GCC2: variants seen among roughly 807,000 people sequenced by gnomAD.
The protein encoded by GCC2 is GRIP and coiled-coil domain containing 2.
In GCC2, 120 loss-of-function variants were observed where a neutral mutation model predicts 210.6. The observed-to-expected ratio is 0.57, with a 90% confidence interval of 0.49 to 0.66. GCC2 has a LOEUF of 0.66. Among genes scored for constraint, GCC2 ranks in the 30% least tolerant of loss-of-function variants. The pLI, the probability that GCC2 is intolerant of heterozygous loss-of-function variation, is 0.00. For synonymous variants in GCC2, 703 were observed against 652.7 expected, an observed-to-expected ratio of 1.08 and a Z score of -1.17; for missense variants, 1,868 against 1,871.9, an observed-to-expected ratio of 1.00 and a Z score of 0.04.
At chr2:108,496,889 T>C in intron 20 of GCC2, 81 bp from the exon 21 acceptor site, 1 of 1,580,832 alleles carries the variant, frequency 6.3e-7, no homozygotes, top group Non-Finnish European at 8.6e-7. Flanking sequence ...GTAAGATATT[T>C]ATATTTAGAT....
intron 21 of GCC2, 62 bp downstream of exon 21, chr2:108,497,171 C>T (rs1249513682): frequency 3.1e-6 from 5 of 1,609,812 alleles, no homozygotes; most frequent in African/African-American, 1.3e-5. Flanking sequence ...ACCCTCCATA[C>T]ACATGCACGA....
chr2:108,493,301 G>A, intron 19 of GCC2: 1 of 579,410 alleles, frequency 1.7e-6, no homozygotes, highest in Non-Finnish European at 2.2e-6. Flanking sequence ...TGTTAGCCAG[G>A]ATAGTCTCGA....
chr2:108,501,103 C>A (rs1458406901), intron 22 of GCC2, among the ~76,000 whole-genome samples: 4 of 151,878 alleles, frequency 2.6e-5, no homozygotes, highest in Non-Finnish European at 4.4e-5. Flanking sequence ...TCAAGCGATT[C>A]TCCTGCCTCA....
At chr2:108,468,575 T>A (rs981574362) in intron 4 of GCC2, among the ~76,000 whole-genome samples, 1 of 152,198 alleles carries the variant, frequency 6.6e-6, no homozygotes, top group African/African-American at 2.4e-5. Context: ...TATTTCTTGC[T>A]TACTCTCTGA....
rs749721042 is a variant in GCC2, at chr2:108,470,105, T to A, written c.776T>A (p.Ile259Asn). 4.3e-6 allele frequency: 7 copies of A among 1,613,386 alleles called. No individual in the cohort carries two copies. Among genetic ancestry groups the A allele is most frequent in the Non-Finnish European group, 5.9e-6 (7 of 1,179,640 alleles). The change falls in exon 6 of 23, where the codon ATT becomes AAT. Residue 259 changes from isoleucine (I) to asparagine (N), a missense_variant. Ile to Asn is a moderately radical substitution (Grantham distance 149). This residue lies in a region of GCC2 where 1,847 missense variants were observed against 1,765.2 expected (regional missense o/e 1.05). Transcript: ENST00000309863. Reference sequence around the variant, plus strand: ...GAGGTGAAAGAGTTGATGTGCCAGATTGAAGCATCAGCTAAGGAACATGAA... The same window carrying A: ...GAGGTGAAAGAGTTGATGTGCCAGAATGAAGCATCAGCTAAGGAACATGAA... ...QEEVKELMCQ[I>N]EASAKEHEAE...
rs915000290 is a variant in GCC2 at position 108,487,796 on chromosome 2, A to T, written c.4028A>T (p.Glu1343Val). The T allele has an allele frequency of 3.7e-6, 6 of 1,613,626 alleles. No homozygotes were observed. The Admixed American group carries it at 6.7e-5, about 18-fold the overall frequency. Residue 1343 changes from glutamate (E) to valine (V), a missense_variant, in exon 17 of 23, where the codon GAA becomes GTA. Glu to Val is a moderately radical substitution (Grantham distance 121). Coordinates refer to ENST00000309863, the MANE Select transcript of GCC2 (RefSeq NM_181453.4). The part of the protein sequence containing the change: ...QQKNKSMSQA[E>V]TEGAKQEREH... ...AAAAATAAATCTATGTCTCAGGCTG[A>T]AACTGAGGGCGCTAAACAAGAAAGG...
At chr2:108,494,091 A>G in intron 19 of GCC2, 4 of 514,814 alleles carry the variant, frequency 7.8e-6, no homozygotes, top group Non-Finnish European at 1.0e-5. Context: ...TTTACAGTTT[A>G]GACCAGGCGT....
intron 12 of GCC2, 79 bp downstream of exon 12, chr2:108,483,245 C>A: frequency 1.3e-6 from 1 of 754,564 alleles, no homozygotes; most frequent in South Asian, 1.6e-5. Flanking sequence ...TCTGTTCTCT[C>A]TGCAATCTCA....
intron 19 of GCC2, chr2:108,493,739 T>C (rs1228627571): frequency 1.0e-6 from 1 of 985,220 alleles, no homozygotes; most frequent in Non-Finnish European, 1.2e-6. Flanking sequence ...GGTCACTTAT[T>C]AGGGTAAAAA....
chr2:108,500,365 T>C (rs1253608018), intron 22 of GCC2, among the ~76,000 whole-genome samples: 1 of 152,002 alleles, frequency 6.6e-6, no homozygotes, highest in African/African-American at 2.4e-5. Context: ...ATACAAAAAT[T>C]AGCTGGACGT....
At chr2:108,497,185 C>A (rs571332300) in intron 21 of GCC2, 76 bp downstream of exon 21, 5 of 1,606,080 alleles carry the variant, frequency 3.1e-6, no homozygotes, top group Non-Finnish European at 4.3e-6. Context: ...TGCACGATCT[C>A]AGCTCACTGC....
intron 3 of GCC2, among the ~76,000 whole-genome samples, chr2:108,451,802 T>G (rs1679958312): frequency 6.6e-6 from 1 of 151,832 alleles, no homozygotes; most frequent in Non-Finnish European, 1.5e-5. Context: ...CATTTGCTAA[T>G]TAAACACTTA....
intron 1 of GCC2, 101 bp from the exon 2 acceptor site, chr2:108,449,532 C>G: frequency 7.5e-7 from 1 of 1,334,994 alleles, no homozygotes; most frequent in Non-Finnish European, 1.1e-6. Flanking sequence ...CTTTCCACCA[C>G]TTGATTCCAT....
chr2:108,469,106 C>T, intron 5 of GCC2, 22 bp downstream of exon 5: 1 of 1,428,432 alleles, frequency 7.0e-7, no homozygotes. Flanking sequence ...TTTTAGTGTT[C>T]TTTTCTTTTT....
At chr2:108,462,491 C>G (rs1237177797) in intron 4 of GCC2, 3 of 125,570 alleles carry the variant, frequency 2.4e-5, no homozygotes, top group Admixed American at 7.5e-5. Context: ...GAGACTCAGT[C>G]TCAAAATAAA....
At chr2:108,450,908 C>T (rs1679908805) in intron 2 of GCC2, 120 bp from the exon 3 acceptor site, 2 of 661,854 alleles carry the variant, frequency 3.0e-6, no homozygotes, top group Admixed American at 2.9e-5. Flanking sequence ...ACAAAGTATG[C>T]GGTTGGCATA....
At position 108,492,756 on chromosome 2, in the gene GCC2, G is replaced by A. The variant is rs1316600646; in HGVS notation, c.4413G>A (p.Gln1471=). ...AGCAGCTCTCCAAGATGGAAGCACA[G>A]CTCTTCCAGCTTAAGAATGAACCGA... ...LQQQLSKMEA[Q]LFQLKNEPTT... The change falls in exon 19 of 23, where the codon CAG becomes CAA. Residue 1471 remains glutamine, a synonymous_variant. Transcript: ENST00000309863. 1 of 1,613,712 alleles carries A rather than the reference G, an allele frequency of 6.2e-7. No individual in the cohort carries two copies. The highest frequency in any genetic ancestry group is 1.7e-5 in the Admixed American group (1 of 60,028).
chr2:108,505,436 T>C (rs1683135147), intron 22 of GCC2, among the ~76,000 whole-genome samples: 2 of 152,194 alleles, frequency 1.3e-5, no homozygotes, highest in Non-Finnish European at 2.9e-5. Context: ...TGCCTTTGTA[T>C]AATCTCTTCC....
chr2:108,503,929 C>T (rs906027208), intron 22 of GCC2, among the ~76,000 whole-genome samples: 3 of 152,038 alleles, frequency 2.0e-5, no homozygotes, highest in Non-Finnish European at 4.4e-5. Flanking sequence ...GGCAACATGG[C>T]GAGACCCTAT....
Sources: allele counts gnomAD v4.1 joint callset (sites outside exome capture counted in the v4.1 genomes callset), GRCh38; gene constraint gnomAD v4.1.1; regional missense constraint gnomAD v4.1.1; transcripts MANE v1.5; gene names NCBI Gene and HGNC (gene_info 2026-07-23, HGNC 2026-07-21).